Variants in PPP2R3C observed in about 807,000 individuals in gnomAD.
PPP2R3C encodes serine/threonine-protein phosphatase 2A regulatory subunit B'' subunit gamma.
PPP2R3C carries 47 observed loss-of-function variants against 63.7 expected under a neutral mutation model. The ratio of observed to expected loss-of-function variants is 0.74; its 90% CI spans 0.58 to 0.94. The LOEUF (loss-of-function observed/expected upper bound fraction) is 0.94, where lower values mean the gene tolerates loss of function less well. Ranked by LOEUF, PPP2R3C falls within the 40% of genes least tolerant of loss-of-function variation. The pLI, the probability that PPP2R3C is intolerant of heterozygous loss-of-function variation, is 0.00. For synonymous variants in PPP2R3C, 180 were observed against 177.4 expected, an observed-to-expected ratio of 1.01 and a Z score of -0.12; for missense variants, 421 against 518.4, an observed-to-expected ratio of 0.81 and a Z score of 1.82.
intron 7 of PPP2R3C, 44 bp downstream of exon 7, chr14:35,099,208 A>G (rs745989602): frequency 3.2e-5 from 48 of 1,478,770 alleles, no homozygotes; most frequent in Non-Finnish European, 4.1e-5. Flanking sequence ...TTTAGATATA[A>G]TAATATCCTC....
chr14:35,091,679 T>C (rs2045822237), intron 10 of PPP2R3C, among the ~76,000 whole-genome samples: 2 of 151,490 alleles, frequency 1.3e-5, no homozygotes, highest in African/African-American at 2.4e-5. Context: ...AGGAATTCTA[T>C]ATATAATCTA....
At chr14:35,108,387 C>G in intron 4 of PPP2R3C, 151 bp from the exon 5 acceptor site, 1 of 1,013,866 alleles carries the variant, frequency 9.9e-7, no homozygotes, top group Non-Finnish European at 1.3e-6. Flanking sequence ...AATATTAAGT[C>G]AAACTTTTTT....
chr14:35,093,551 G>A (rs982452073), intron 10 of PPP2R3C, among the ~76,000 whole-genome samples: 1 of 151,958 alleles, frequency 6.6e-6, no homozygotes, highest in Non-Finnish European at 1.5e-5. Context: ...GTGTTATTTA[G>A]CAAACTGCTA....
chr14:35,087,873 T>C, intron 12 of PPP2R3C, 78 bp downstream of exon 12: 3 of 1,143,074 alleles, frequency 2.6e-6, no homozygotes, highest in Non-Finnish European at 3.9e-6. Context: ...CATTAGTTGC[T>C]TTCATATAAA....
At chr14:35,103,448 G>A (rs988200881) in intron 6 of PPP2R3C, among the ~76,000 whole-genome samples, 28 of 152,038 alleles carry the variant, frequency 1.8e-4, no homozygotes, top group African/African-American at 6.5e-4. Flanking sequence ...ACCTAAAATC[G>A]TCTGTCAATC....
At chr14:35,088,988 T>G (rs2045700000) in intron 11 of PPP2R3C, among the ~76,000 whole-genome samples, 1 of 152,234 alleles carries the variant, frequency 6.6e-6, no homozygotes, top group Admixed American at 6.5e-5. Flanking sequence ...ACATTTATTT[T>G]CTTAAGACTG....
At position 35,085,784 on chromosome 14, in the gene PPP2R3C, A is replaced by G. The variant is rs1407910811; in HGVS notation, c.1174-6T>C. ...ACCATGTCAAAGATTTCATCCTGCA[A>G]GAGAAAAAAAAATACAATGAAATTT... On this transcript the variant is annotated splice_region_variant and splice_polypyrimidine_tract_variant and intron_variant, in intron 12 of 12. Coordinates refer to ENST00000261475, the MANE Select transcript of PPP2R3C (RefSeq NM_017917.4). 1.3e-6 allele frequency: 2 copies of G among 1,586,530 alleles called. No homozygotes were observed. Among genetic ancestry groups the G allele is most frequent in the East Asian group, 4.5e-5 (2 of 44,750 alleles).
chr14:35,097,682 C>T (rs556539641), intron 7 of PPP2R3C, among the ~76,000 whole-genome samples: 145 of 152,166 alleles, frequency 9.5e-4, no homozygotes, highest in African/African-American at 3.3e-3. Flanking sequence ...TGGGGTTTCA[C>T]TATGTTGGCC....
chr14:35,089,508 C>T (rs2045720276), intron 11 of PPP2R3C, among the ~76,000 whole-genome samples: 1 of 152,102 alleles, frequency 6.6e-6, no homozygotes, highest in African/African-American at 2.4e-5. Flanking sequence ...GTGACCACTA[C>T]ACCCAGCTAA....
In PPP2R3C at chr14:35,110,328, TAACA is replaced by T. The variant is rs373182426; in HGVS notation, c.291+193_291+196del. On this transcript the variant is annotated intron_variant, in intron 3 of 12. Transcript: ENST00000261475. ...AATCACCTAGGGCCTTAAACAAAAATAACAAACAACACTATGTTTGGGGTACATG... is the reference window on the plus strand; with the variant it reads ...AATCACCTAGGGCCTTAAACAAAAATAACAACACTATGTTTGGGGTACATG... The T allele has an allele frequency of 1.5e-3, 785 of 512,158 alleles. 13 individuals are homozygous for T. In the South Asian group the frequency reaches 0.021, roughly 14 times the overall value. The allele number at this position is 512,158 out of a possible 1,614,324, so 31.7% of individuals were successfully genotyped here.
At chr14:35,096,662 GA>G in intron 8 of PPP2R3C, 29 bp from the exon 9 acceptor site, 1 of 1,609,842 alleles carries the variant, frequency 6.2e-7, no homozygotes, top group Non-Finnish European at 8.5e-7. Context: ...ATAATTAGAA[GA>G]TAGCAACTGT....
intron 7 of PPP2R3C, among the ~76,000 whole-genome samples, chr14:35,098,140 C>CT (rs1491254291): frequency 2.6e-5 from 4 of 151,182 alleles, no homozygotes; most frequent in Non-Finnish European, 5.9e-5. Context: ...TCAAAAAACA[C>CT]TGTCAGCTAC....
intron 2 of PPP2R3C, among the ~76,000 whole-genome samples, chr14:35,111,424 G>A (rs2138699349): frequency 6.6e-6 from 1 of 152,162 alleles, no homozygotes; most frequent in East Asian, 1.9e-4. Flanking sequence ...CCTGGGCATG[G>A]GCCAAGATAT....
chr14:35,090,322 A>G (rs1386912904), intron 11 of PPP2R3C, among the ~76,000 whole-genome samples: 1 of 147,674 alleles, frequency 6.8e-6, no homozygotes, highest in African/African-American at 2.5e-5. Flanking sequence ...GCTCACTGCA[A>G]CCTCCGCCTC....
chr14:35,085,883 TA>T, intron 12 of PPP2R3C, 105 bp from the exon 13 acceptor site: 1 of 871,308 alleles, frequency 1.1e-6, no homozygotes, highest in Non-Finnish European at 1.7e-6. Context: ...TACAGAGGAA[TA>T]AAATTGAGGG....
In PPP2R3C at chr14:35,121,933, C is replaced by T. The variant is rs2046917503; in HGVS notation, c.27G>A (p.Arg9=). ...GACAGGTGTTGGGCGTCGCTAGGCG[C>T]CGACGAAGAACTTCTTTCCAGTCCA... is the stretch of plus-strand genomic sequence containing the variant. MDWKEVLR[R]RLATPNTCPN... is the part of the protein sequence containing the mutation. Residue 9 remains arginine, a synonymous_variant, in exon 1 of 13, where the codon CGG becomes CGA. Transcript: ENST00000261475. 1.9e-6 allele frequency: 3 copies of T among 1,614,086 alleles called. No individual in the cohort carries two copies. Among genetic ancestry groups the T allele is most frequent in the South Asian group, 1.1e-5 (1 of 91,092 alleles).
chr14:35,102,353 T>A (rs1274233754), intron 6 of PPP2R3C: 5 of 152,200 alleles, frequency 3.3e-5, no homozygotes, highest in African/African-American at 1.2e-4. Context: ...TTAACAATGT[T>A]ATTTTTGCTT....
intron 1 of PPP2R3C, 21 bp from the exon 2 acceptor site, chr14:35,116,758 G>T: frequency 6.5e-7 from 1 of 1,538,586 alleles, no homozygotes; most frequent in South Asian, 1.2e-5. Context: ...AACAGATTAA[G>T]GGGAGCACTT....
intron 4 of PPP2R3C, among the ~76,000 whole-genome samples, 185 bp from the exon 5 acceptor site, chr14:35,108,421 T>C (rs894614844): frequency 2.6e-5 from 4 of 151,724 alleles, no homozygotes; most frequent in Non-Finnish European, 5.9e-5. Flanking sequence ...AAATGGAGAT[T>C]TGGCCAGGCG....
Sources: allele counts gnomAD v4.1 joint callset (sites outside exome capture counted in the v4.1 genomes callset), GRCh38; gene constraint gnomAD v4.1.1; transcripts MANE v1.5; gene names NCBI Gene and HGNC (gene_info 2026-07-23, HGNC 2026-07-21).